RORA: variants seen among roughly 807,000 people sequenced by gnomAD.
The protein encoded by RORA is nuclear receptor ROR-alpha.
In RORA, 7 loss-of-function variants were observed where a neutral mutation model predicts 69.5. That is an observed-to-expected ratio of 0.10 (90% CI 0.06 to 0.19). The LOEUF is 0.19. RORA is among the 10% of genes least tolerant of loss of function. The pLI is 1.00. For missense variants in RORA, 457 were observed against 663.0 expected, an observed-to-expected ratio of 0.69 and a Z score of 3.41; for synonymous variants, 261 against 240.8, an observed-to-expected ratio of 1.08 and a Z score of -0.78.
At chr15:60,991,005 T>G (rs1894360451) in intron 1 of RORA, among the ~76,000 whole-genome samples, 1 of 152,200 alleles carries the variant, frequency 6.6e-6, no homozygotes, top group East Asian at 1.9e-4. Context: ...CAAACAACTG[T>G]TTTTCAAACT....
At chr15:61,094,252 C>A (rs1296344502) in intron 1 of RORA, among the ~76,000 whole-genome samples, 1 of 152,130 alleles carries the variant, frequency 6.6e-6, no homozygotes, top group Non-Finnish European at 1.5e-5. Flanking sequence ...AGAAGTCTTG[C>A]CCCCAGAAAG....
intron 1 of RORA, among the ~76,000 whole-genome samples, chr15:61,212,632 T>C (rs2080003642): frequency 6.6e-6 from 1 of 152,156 alleles, no homozygotes; most frequent in African/African-American, 2.4e-5. Context: ...CCTCAGGTGA[T>C]CCACCCACCT....
At chr15:60,773,212 C>T (rs182097027) in intron 1 of RORA, among the ~76,000 whole-genome samples, 53 of 152,226 alleles carry the variant, frequency 3.5e-4, no homozygotes, top group Admixed American at 2.9e-3. Flanking sequence ...GGCTTTCCGG[C>T]GGGCTCTTGG....
At chr15:60,854,920 G>A (rs775066549) in intron 1 of RORA, among the ~76,000 whole-genome samples, 4 of 152,134 alleles carry the variant, frequency 2.6e-5, no homozygotes, top group Non-Finnish European at 4.4e-5. Context: ...ACTCAGAATC[G>A]CCCAACATAG....
At chr15:60,674,795 A>G (rs1052306232) in intron 2 of RORA, among the ~76,000 whole-genome samples, 5 of 152,160 alleles carry the variant, frequency 3.3e-5, no homozygotes, top group Non-Finnish European at 7.3e-5. Context: ...GAGTAAACTG[A>G]CACATTTTCC....
intron 1 of RORA, among the ~76,000 whole-genome samples, chr15:61,019,888 C>T (rs527462828): frequency 6.8e-4 from 103 of 152,266 alleles, no homozygotes; most frequent in African/African-American, 2.3e-3. Context: ...GGTTCCTTTG[C>T]CACTTCTCAA....
At chr15:61,156,217 A>G (rs1002283320) in intron 1 of RORA, among the ~76,000 whole-genome samples, 2 of 152,100 alleles carry the variant, frequency 1.3e-5, no homozygotes, top group South Asian at 4.2e-4. Flanking sequence ...AAGGGGGGAA[A>G]AGTTTGAAGA....
intron 1 of RORA, chr15:61,212,086 A>C (rs2079997576): frequency 6.6e-6 from 1 of 152,150 alleles, no homozygotes; most frequent in South Asian, 2.1e-4. Flanking sequence ...CCCTCTTTCA[A>C]CTTCCTCTCC....
At chr15:60,671,898 C>G (rs1044614334) in intron 2 of RORA, among the ~76,000 whole-genome samples, 2 of 151,784 alleles carry the variant, frequency 1.3e-5, no homozygotes, top group Non-Finnish European at 2.9e-5. Context: ...AGGGGTGAGC[C>G]ACCAAGCCCA....
intron 3 of RORA, among the ~76,000 whole-genome samples, chr15:60,525,329 G>A (rs1349468718): frequency 6.6e-6 from 1 of 152,170 alleles, no homozygotes; most frequent in Non-Finnish European, 1.5e-5. Context: ...GGGTGTGGCT[G>A]GGAAGGTGAA....
At chr15:60,765,934 GA>G (rs1343864888) in intron 1 of RORA, among the ~76,000 whole-genome samples, 2 of 151,870 alleles carry the variant, frequency 1.3e-5, no homozygotes, top group African/African-American at 4.8e-5. Context: ...AAGAATCAAA[GA>G]GAAGAAGGCA....
chr15:60,831,480 C>T (rs1025195583), intron 1 of RORA, among the ~76,000 whole-genome samples: 1 of 152,168 alleles, frequency 6.6e-6, no homozygotes, highest in Non-Finnish European at 1.5e-5. Context: ...TCATTGGCCA[C>T]TTCAATGGAA....
At chr15:60,908,877 ATT>A (rs111534735) in intron 1 of RORA, among the ~76,000 whole-genome samples, 22 of 145,718 alleles carry the variant, frequency 1.5e-4, no homozygotes, top group African/African-American at 5.5e-4. Flanking sequence ...ATTTCATTTC[ATT>A]TTTTTTTTTT....
At chr15:61,089,452 A>G (rs555780348) in intron 1 of RORA, among the ~76,000 whole-genome samples, 1 of 152,288 alleles carries the variant, frequency 6.6e-6, no homozygotes, top group South Asian at 2.1e-4. Flanking sequence ...GCACACAAAC[A>G]TGCATATATA....
intron 1 of RORA, among the ~76,000 whole-genome samples, chr15:60,866,512 TTAA>T (rs2073488916): frequency 6.6e-6 from 1 of 152,190 alleles, no homozygotes; most frequent in South Asian, 2.1e-4. Flanking sequence ...TGCGTTTATA[TTAA>T]TGACTGCCCT....
chr15:60,869,369 A>G (rs568628167), intron 1 of RORA, among the ~76,000 whole-genome samples: 2 of 152,348 alleles, frequency 1.3e-5, no homozygotes, highest in Admixed American at 6.5e-5. Context: ...GGTTGGGACT[A>G]TAGGTGTCAC....
chr15:60,916,499 T>A (rs573799186), intron 1 of RORA, among the ~76,000 whole-genome samples: 1 of 152,212 alleles, frequency 6.6e-6, no homozygotes, highest in Non-Finnish European at 1.5e-5. Context: ...AGGAAGTCAG[T>A]CCCTAGCTCC....
chr15:60,736,457 A>G lies in RORA; in HGVS notation c.167-57771T>C, dbSNP rs17237360. ...CCAGAGGAAAACCTTTGCATAGGCC[A>G]GCATTCGGTTTAAGACTTTTGGCCT... On this transcript the variant is annotated intron_variant, in intron 1 of 10. Transcript: ENST00000335670. Among the ~76,000 whole-genome samples the G allele has an allele frequency of 6.1e-3, 931 of 152,354 alleles. 20 individuals are homozygous for G. The highest frequency in any genetic ancestry group is 0.04 in the Admixed American group (609 of 15,302).
At chr15:60,554,030 T>A (rs1159684531) in intron 2 of RORA, among the ~76,000 whole-genome samples, 1 of 152,188 alleles carries the variant, frequency 6.6e-6, no homozygotes, top group African/African-American at 2.4e-5. Flanking sequence ...TTTGTAAGTT[T>A]ATTTTGTGGG....
Sources: gnomAD v4.1 joint callset for allele counts (sites outside exome capture counted in the v4.1 genomes callset) on GRCh38, gnomAD v4.1.1 for gene constraint, MANE v1.5 for transcripts, NCBI Gene and HGNC (gene_info 2026-07-23, HGNC 2026-07-21) for gene names.